HSD17B12: variants seen among roughly 807,000 people sequenced by gnomAD.
The protein encoded by HSD17B12 is very-long-chain 3-oxoacyl-CoA reductase.
Under a neutral mutation model 39.3 loss-of-function variants are expected in HSD17B12, and 32 were observed. The observed-to-expected ratio is 0.81, with a 90% CI of 0.61 to 1.09. The LOEUF is 1.09. Among genes scored for constraint, HSD17B12 ranks in the 50% least tolerant of loss-of-function variants. The pLI is 0.00. For synonymous variants in HSD17B12, 150 were observed against 146.7 expected, an observed-to-expected ratio of 1.02 and a Z score of -0.16; for missense variants, 342 against 382.9, an observed-to-expected ratio of 0.89 and a Z score of 0.89.
At chr11:43,645,660 C>T in the HSD17B12 span, 3 of 152,262 alleles carry the variant, frequency 2.0e-5, no homozygotes, top group Middle Eastern at 6.8e-3. Context: ...TTTTATAACT[C>T]CCCTATTGTC....
At chr11:43,721,716 A>G (rs1257173300) in intron 1 of HSD17B12, among the ~76,000 whole-genome samples, 1 of 152,164 alleles carries the variant, frequency 6.6e-6, no homozygotes, top group Non-Finnish European at 1.5e-5. Context: ...CAAAGCCGAG[A>G]GTATAAGAGG....
chr11:43,853,314 G>A (rs975129976), intron 9 of HSD17B12: 13 of 135,046 alleles, frequency 9.6e-5, no homozygotes, highest in African/African-American at 3.7e-4. Context: ...TCCAGCTTGG[G>A]GACTCTCGCT....
At chr11:43,672,205 C>T in the HSD17B12 span, among the ~76,000 whole-genome samples, 14 of 152,148 alleles carry the variant, frequency 9.2e-5, no homozygotes, top group African/African-American at 7.2e-5. Flanking sequence ...CCCGCCACCA[C>T]GCCCGGCTAA....
chr11:43,567,935 C>G, the HSD17B12 span, among the ~76,000 whole-genome samples: 1 of 152,120 alleles, frequency 6.6e-6, no homozygotes, highest in Non-Finnish European at 1.5e-5. Flanking sequence ...TATGATTCTC[C>G]TGAGTGACAA....
At chr11:43,615,053 A>G in the HSD17B12 span, among the ~76,000 whole-genome samples, 1 of 152,074 alleles carries the variant, frequency 6.6e-6, no homozygotes, top group Non-Finnish European at 1.5e-5. Flanking sequence ...TAGATTCTAC[A>G]ATTTGCAAGA....
the HSD17B12 span, among the ~76,000 whole-genome samples, chr11:43,664,925 G>A: frequency 6.6e-6 from 1 of 152,300 alleles, no homozygotes; most frequent in Non-Finnish European, 1.5e-5. Flanking sequence ...AGATTAAAAT[G>A]TCTCGTTCAT....
chr11:43,641,907 C>A, the HSD17B12 span, among the ~76,000 whole-genome samples: 2 of 151,756 alleles, frequency 1.3e-5, no homozygotes, highest in Non-Finnish European at 3.0e-5. Context: ...AAGAATAAAA[C>A]AAGTAGTTTC....
chr11:43,574,566 C>T, the HSD17B12 span, among the ~76,000 whole-genome samples: 1 of 152,072 alleles, frequency 6.6e-6, no homozygotes, highest in Non-Finnish European at 1.5e-5. Context: ...AATCAAGAAA[C>T]CCTTTGTCAT....
At chr11:43,745,658 A>T (rs1321287683) in intron 1 of HSD17B12, among the ~76,000 whole-genome samples, 1 of 152,170 alleles carries the variant, frequency 6.6e-6, no homozygotes, top group Non-Finnish European at 1.5e-5. Context: ...ACTGAATACT[A>T]TAGGCAGTTG....
the HSD17B12 span, among the ~76,000 whole-genome samples, chr11:43,583,487 T>C: frequency 6.6e-6 from 1 of 151,952 alleles, no homozygotes; most frequent in Non-Finnish European, 1.5e-5. Flanking sequence ...CGGAAAGGGG[T>C]CTCTCATTCC....
chr11:43,797,769 C>G (rs964313386), intron 3 of HSD17B12, among the ~76,000 whole-genome samples: 4 of 152,174 alleles, frequency 2.6e-5, no homozygotes, highest in African/African-American at 9.7e-5. Context: ...TCCTTTATTA[C>G]TGTGCATTTT....
chr11:43,702,863 A>G (rs1949978068), intron 1 of HSD17B12, among the ~76,000 whole-genome samples: 2 of 151,942 alleles, frequency 1.3e-5, no homozygotes, highest in South Asian at 2.1e-4. Context: ...AGTGTATTTT[A>G]TGTGTGGCCC....
the HSD17B12 span, among the ~76,000 whole-genome samples, chr11:43,600,196 C>T: frequency 4.6e-5 from 7 of 151,862 alleles, no homozygotes; most frequent in East Asian, 1.4e-3. Context: ...TTTATATGGC[C>T]ATATTTTATA....
chr11:43,854,586 CTT>C (rs934269752), intron 9 of HSD17B12, 127 bp from the exon 10 acceptor site: 23 of 1,040,274 alleles, frequency 2.2e-5, no homozygotes, highest in Non-Finnish European at 2.9e-5. Flanking sequence ...AGCCACTTCT[CTT>C]TTCTTCTCTC....
chr11:43,660,092 G>A, the HSD17B12 span, among the ~76,000 whole-genome samples: 25 of 152,096 alleles, frequency 1.6e-4, no homozygotes, highest in Admixed American at 2.0e-4. Context: ...CTCCCTTGCC[G>A]TGCTAGTGGA....
At chr11:43,792,003 A>G (rs1950872050) in intron 3 of HSD17B12, among the ~76,000 whole-genome samples, 1 of 152,220 alleles carries the variant, frequency 6.6e-6, no homozygotes, top group Non-Finnish European at 1.5e-5. Context: ...TTTGTGTGGC[A>G]TCTCTGCTCA....
At chr11:43,806,813 A>G (rs1590316444) in intron 4 of HSD17B12, among the ~76,000 whole-genome samples, 1 of 152,228 alleles carries the variant, frequency 6.6e-6, no homozygotes, top group East Asian at 1.9e-4. Context: ...CAAAATAGCT[A>G]GAAGAGAATA....
At chr11:43,745,874 G>A (rs1018698074) in intron 1 of HSD17B12, among the ~76,000 whole-genome samples, 47 of 152,184 alleles carry the variant, frequency 3.1e-4, no homozygotes, top group African/African-American at 1.1e-3. Flanking sequence ...AGGTTGGTCA[G>A]GTATGGTAGC....
Position 43,855,674 on chromosome 11 carries a change from A to G in HSD17B12, c.*426A>G, listed in dbSNP as rs1322869974. On this transcript the variant is annotated 3_prime_UTR_variant, in exon 11 of 11. Coordinates refer to ENST00000278353, the MANE Select transcript of HSD17B12 (RefSeq NM_016142.3). ...CTACTCTTTTGTTTTTGACACTTGA[A>G]GAAATGGAGATCGATTTGATTTGTT... The G allele has an allele frequency of 1.3e-5, 2 of 152,394 alleles. No homozygotes were observed. Among genetic ancestry groups the G allele is most frequent in the Non-Finnish European group, 2.9e-5 (2 of 68,166 alleles). 9.4% of individuals were successfully genotyped at this position (152,394 alleles called of 1,614,324 possible). A position where few individuals can be genotyped will look rare whatever the true frequency, so the allele number is the denominator to read the frequency against.
Sources: gnomAD v4.1 joint callset for allele counts (sites outside exome capture counted in the v4.1 genomes callset) on GRCh38, gnomAD v4.1.1 for gene constraint, MANE v1.5 for transcripts, NCBI Gene and HGNC (gene_info 2026-07-23, HGNC 2026-07-21) for gene names.